Variants in C17orf78 observed in about 807,000 individuals in gnomAD.
The protein encoded by C17orf78 is chromosome 17 open reading frame 78, also known as uncharacterized protein C17orf78.
In C17orf78, 27 loss-of-function variants were observed where a neutral mutation model predicts 31.8. The observed-to-expected ratio is 0.85, with a 90% CI of 0.63 to 1.17. The LOEUF is 1.17. Among genes scored for constraint, C17orf78 ranks in the 50% most tolerant of loss-of-function variants. The pLI is 0.00. For synonymous variants in C17orf78, 106 were observed against 115.1 expected (o/e 0.92, Z 0.51); for missense variants, 258 against 315.2 (o/e 0.82, Z 1.37).
In C17orf78 at chr17:37,386,014, T is replaced by C. The variant is rs2147774035; in HGVS notation, c.397T>C (p.Leu133=). ...TGSLLKGKAF[L]PGISQCKVLG... ...TTTTCTACTTTGTTTTATAGCTTTT[T>C]TACCAGGGATCTCACAATGTAAAGT... Residue 133 remains leucine, a synonymous_variant, in exon 4 of 7, where the codon TTA becomes CTA. Coordinates refer to ENST00000615133, the MANE Select transcript of C17orf78 (RefSeq NM_173625.5). 1 of 1,581,930 alleles carries C rather than the reference T, an allele frequency of 6.3e-7. No homozygotes were observed. The highest frequency in any genetic ancestry group is 8.6e-7 in the Non-Finnish European group (1 of 1,157,526).
chr17:37,376,138 G>T lies in C17orf78; in HGVS notation c.46G>T (p.Ala16Ser). 1.2e-6 allele frequency: 2 copies of T among 1,611,830 alleles called. No homozygotes were observed. The highest frequency in any genetic ancestry group is 2.2e-5 in the South Asian group (2 of 91,020). The stretch of plus-strand genomic sequence containing the variant: ...CAGCCTAATCATTGCATCCTATGAT[G>T]CCAACAAGAAAGGTATGTAATTCTC... ...VFSLIIASYD[A>S]NKKDLRDSSC... is the part of the protein sequence containing the mutation. The change falls in exon 1 of 7, where the codon GCC (alanine) becomes TCC (serine). Residue 16 changes from alanine to serine, a missense_variant. Physicochemically the swap from Ala to Ser is moderately conservative, Grantham distance 99. Coordinates refer to ENST00000615133, the MANE Select transcript of C17orf78 (RefSeq NM_173625.5).
intron 3 of C17orf78, among the ~76,000 whole-genome samples, chr17:37,385,769 C>G (rs1334551048): frequency 1.3e-5 from 2 of 152,138 alleles, no homozygotes; most frequent in Non-Finnish European, 2.9e-5. Flanking sequence ...ATGACTCCTT[C>G]ACTTTGATCC....
intron 1 of C17orf78, among the ~76,000 whole-genome samples, chr17:37,376,536 T>C (rs1003244741): frequency 1.3e-5 from 2 of 152,186 alleles, no homozygotes; most frequent in African/African-American, 4.8e-5. Flanking sequence ...GACGGTGATA[T>C]TCTTGGGTGG....
chr17:37,387,018 C>T (rs1463715825), intron 4 of C17orf78: 4 of 152,190 alleles, frequency 2.6e-5, no homozygotes, highest in African/African-American at 9.7e-5. Flanking sequence ...GGTCTCACCA[C>T]ATTGTCCAAG....
intron 3 of C17orf78, among the ~76,000 whole-genome samples, chr17:37,381,841 AT>A (rs1289836185): frequency 1.3e-5 from 2 of 150,910 alleles, no homozygotes; most frequent in Admixed American, 1.3e-4. Flanking sequence ...GTTGGCCAGG[AT>A]GGTCTCGATC....
chr17:37,377,343 T>C (rs1189391973), intron 1 of C17orf78, among the ~76,000 whole-genome samples: 1 of 152,164 alleles, frequency 6.6e-6, no homozygotes, highest in Non-Finnish European at 1.5e-5. Flanking sequence ...CAACTACTAC[T>C]TTGTATGTAT....
intron 3 of C17orf78, 106 bp from the exon 4 acceptor site, chr17:37,385,903 C>A (rs2050504644): frequency 1.4e-6 from 1 of 720,258 alleles, no homozygotes; most frequent in Non-Finnish European, 2.3e-6. Context: ...GTTAATGGGA[C>A]CACAATTGGA....
At chr17:37,381,831 G>A (rs1473118205) in intron 3 of C17orf78, among the ~76,000 whole-genome samples, 1 of 151,540 alleles carries the variant, frequency 6.6e-6, no homozygotes, top group Non-Finnish European at 1.5e-5. Flanking sequence ...GTTTCACCGT[G>A]TTGGCCAGGA....
At position 37,376,065 on chromosome 17, in the gene C17orf78, T is replaced by A. The variant is rs1379855591; in HGVS notation, c.-28T>A. ...GCTGTGACAGATGAGCAGTGGTCTG[T>A]CTGCAATGAGCATGTGCTCAAGCTA... On this transcript the variant is annotated 5_prime_UTR_variant, in exon 1 of 7. Transcript: ENST00000615133. 1 of 1,596,398 alleles carries A rather than the reference T, an allele frequency of 6.3e-7. No homozygotes were observed. The highest frequency in any genetic ancestry group is 1.1e-5 in the South Asian group (1 of 90,646).
chr17:37,388,350 A>T (rs1322945967), intron 4 of C17orf78, among the ~76,000 whole-genome samples: 2 of 152,148 alleles, frequency 1.3e-5, no homozygotes, highest in Non-Finnish European at 2.9e-5. Flanking sequence ...AGAAGTTTAG[A>T]GCTCCATGTG....
chr17:37,377,259 A>C (rs1041930360), intron 1 of C17orf78, among the ~76,000 whole-genome samples: 9 of 152,072 alleles, frequency 5.9e-5, no homozygotes, highest in African/African-American at 2.2e-4. Flanking sequence ...AACTTAGTAA[A>C]TTTTCTTAAC....
At chr17:37,376,967 T>C (rs578014993) in intron 1 of C17orf78, among the ~76,000 whole-genome samples, 2 of 151,848 alleles carry the variant, frequency 1.3e-5, no homozygotes, top group South Asian at 2.1e-4. Flanking sequence ...AAATAAAAAA[T>C]TAAAATAAAA....
chr17:37,390,322 A>ATC (rs1555672346), intron 6 of C17orf78, among the ~76,000 whole-genome samples: 3 of 38,062 alleles, frequency 7.9e-5, no homozygotes, highest in African/African-American at 3.5e-4. Flanking sequence ...ATATATATAT[A>ATC]TATATATATA....
chr17:37,380,402 G>T (rs2050194409), intron 3 of C17orf78, among the ~76,000 whole-genome samples: 2 of 151,554 alleles, frequency 1.3e-5, no homozygotes, highest in South Asian at 4.2e-4. Context: ...ATGTGCACAT[G>T]TACCCTAAAA....
In C17orf78 at chr17:37,391,843, C is replaced by A; in HGVS notation, c.*119C>A. The A allele has an allele frequency of 1.1e-6, 1 of 923,262 alleles. No individual in the cohort carries two copies. The highest frequency in any genetic ancestry group is 1.7e-6 in the Non-Finnish European group (1 of 579,088). The allele number at this position is 923,262 out of a possible 1,614,324, so 57.2% of individuals were successfully genotyped here. A position where few individuals can be genotyped will look rare whatever the true frequency, so the allele number is the denominator to read the frequency against. ...CAGCAGGGACATTACAATCAAACAC[C>A]AATTCCTGGTTAATGAAGGGAGAGT... is the stretch of plus-strand genomic sequence containing the variant. On this transcript the variant is annotated 3_prime_UTR_variant, in exon 7 of 7. Transcript: ENST00000615133.
intron 1 of C17orf78, among the ~76,000 whole-genome samples, chr17:37,377,361 G>A (rs2050045705): frequency 6.6e-6 from 1 of 151,978 alleles, no homozygotes. Context: ...TATTTGGCTG[G>A]GTGTTCTTTT....
chr17:37,390,454 C>T (rs1159579117), intron 6 of C17orf78, among the ~76,000 whole-genome samples: 7 of 144,824 alleles, frequency 4.8e-5, no homozygotes, highest in African/African-American at 1.8e-4. Flanking sequence ...TGGTGAAACC[C>T]TGTCTCTACT....
chr17:37,390,321 T>TA lies in C17orf78; in HGVS notation c.750+960dup, dbSNP rs2050807015. 2.2e-3 allele frequency among the ~76,000 whole-genome samples: 101 copies of TA among 46,580 alleles called. 20 individuals carry two copies. The highest frequency in any genetic ancestry group is 0.011 in the African/African-American group (101 of 9,084). 30.6% of individuals were successfully genotyped at this position (46,580 alleles called of 152,430 possible). A position where few individuals can be genotyped will look rare whatever the true frequency, so the allele number is the denominator to read the frequency against. The stretch of plus-strand genomic sequence containing the variant: ...ATACATAATTATATATATATATATA[T>TA]ATATATATATATAAAAGGCCAGCTG... On this transcript the variant is annotated intron_variant, in intron 6 of 6. Transcript: ENST00000615133.
Position 37,386,125 on chromosome 17 carries a change from G to A in C17orf78, c.508G>A (p.Asp170Asn), listed in dbSNP as rs192297425. ...AGAAGGAGAGAAAACTACAAGTACC[G>A]GTAATTTTTCTAGCTTTGAAATGAC... ...NKEGEKTTST[D>N]TDENLEKRQK... The change falls in exon 4 of 7, where the codon GAC (aspartate) becomes AAC (asparagine). Residue 170 changes from aspartate to asparagine, a missense_variant and splice_region_variant. Coordinates refer to ENST00000615133, the MANE Select transcript of C17orf78 (RefSeq NM_173625.5). The A allele has an allele frequency of 4.0e-5, 62 of 1,536,314 alleles. 1 individual carries two copies. Among genetic ancestry groups the A allele is most frequent in the South Asian group, 3.6e-4 (31 of 85,092 alleles).
Sources: gnomAD v4.1 joint callset for allele counts (sites outside exome capture counted in the v4.1 genomes callset) on GRCh38, gnomAD v4.1.1 for gene constraint, MANE v1.5 for transcripts, NCBI Gene and HGNC (gene_info 2026-07-23, HGNC 2026-07-21) for gene names.